CR1: variants seen among roughly 807,000 people sequenced by gnomAD.
CR1 encodes the protein complement C3b/C4b receptor 1 (Knops blood group).
In CR1, 116 loss-of-function variants were observed where a neutral mutation model predicts 187.3. The ratio of observed to expected loss-of-function variants is 0.62; its 90% CI spans 0.53 to 0.72. CR1 has a LOEUF of 0.72. CR1 is among the 30% of genes least tolerant of loss of function. The probability of loss-of-function intolerance (pLI) is 0.00; values close to 1 mark genes in which losing one functional copy is unlikely to be tolerated. For missense variants in CR1, 1,731 were observed against 2,110.7 expected, an observed-to-expected ratio of 0.82 and a Z score of 3.52; for synonymous variants, 576 against 747.1, an observed-to-expected ratio of 0.77 and a Z score of 3.73.
intron 24 of CR1, among the ~76,000 whole-genome samples, chr1:207,566,618 T>A (rs1175161889): frequency 6.7e-6 from 1 of 150,078 alleles, no homozygotes; most frequent in Non-Finnish European, 1.5e-5. Flanking sequence ...TTAGACAGGG[T>A]GAGCAGTTTG....
chr1:207,511,689 G>T, intron 4 of CR1, 35 bp downstream of exon 4: 1 of 1,580,848 alleles, frequency 6.3e-7, no homozygotes, highest in South Asian at 1.1e-5. Context: ...TTCTTTTACC[G>T]ACACATTCTA....
At chr1:207,520,969 T>C (rs1344920671) in intron 4 of CR1, among the ~76,000 whole-genome samples, 1 of 34,852 alleles carries the variant, frequency 2.9e-5, no homozygotes, top group Non-Finnish European at 5.0e-5. Flanking sequence ...TTTTTGGTTG[T>C]TTTTTTTTTT....
intron 35 of CR1, among the ~76,000 whole-genome samples, chr1:207,592,189 T>C (rs1381419969): frequency 6.6e-6 from 1 of 152,014 alleles, no homozygotes; most frequent in Non-Finnish European, 1.5e-5. Context: ...GATGCAAAAA[T>C]CCTCAATAAA....
intron 1 of CR1, among the ~76,000 whole-genome samples, chr1:207,502,247 A>G (rs1469753126): frequency 4.6e-5 from 7 of 152,204 alleles, no homozygotes; most frequent in African/African-American, 1.7e-4. Context: ...AAAGCACACA[A>G]AGATAAAAAG....
At chr1:207,521,001 T>G (rs1224499442) in intron 4 of CR1, among the ~76,000 whole-genome samples, 12 of 138,302 alleles carry the variant, frequency 8.7e-5, no homozygotes, top group Non-Finnish European at 7.7e-5. Flanking sequence ...TTTGACAGAA[T>G]TTCACTCTTA....
intron 42 of CR1, among the ~76,000 whole-genome samples, chr1:207,619,406 A>T (rs1434892484): frequency 6.6e-6 from 1 of 151,898 alleles, no homozygotes; most frequent in East Asian, 1.9e-4. Flanking sequence ...AAAAAGAAAA[A>T]GAAAGAAAGA....
intron 31 of CR1, among the ~76,000 whole-genome samples, chr1:207,581,354 A>G (rs9659222): frequency 0.37 from 53,618 of 146,048 alleles, 12,905 homozygotes; most frequent in African/African-American, 0.69. Context: ...ATACGTATAC[A>G]TGTCCATATG....
chr1:207,580,636 A>C (rs919286198), intron 31 of CR1, 23 bp downstream of exon 31: 5 of 1,597,138 alleles, frequency 3.1e-6, no homozygotes, highest in Non-Finnish European at 4.3e-6. Flanking sequence ...CAGAATTCAG[A>C]TCAGGGACTC....
chr1:207,505,008 G>A (rs1426581625), intron 1 of CR1, among the ~76,000 whole-genome samples: 2 of 152,200 alleles, frequency 1.3e-5, no homozygotes, highest in East Asian at 1.9e-4. Flanking sequence ...TGCTCCCTAT[G>A]AGAATCTAAT....
Position 207,584,714 on chromosome 1 carries a change from A to G in CR1, c.5368A>G (p.Ile1790Val). 1 of 1,613,756 alleles carries G rather than the reference A, an allele frequency of 6.2e-7. No individual in the cohort carries two copies. The highest frequency in any genetic ancestry group is 8.5e-7 in the Non-Finnish European group (1 of 1,179,720). Residue 1790 changes from isoleucine to valine, a missense_variant, in exon 33 of 47, where the codon ATT becomes GTT. Around this residue, in one of 5 missense-constraint regions of CR1, gnomAD observed 1,312 missense variants for 1,379.6 expected, o/e 0.95. Transcript: ENST00000367049. ...GRHTGTPSGD[I>V]PYGKEISYTC... ...ACACACAGGAACTCCCTCTGGAGATATTCCCTATGGAAAAGAAATATCTTA... is the reference window on the plus strand; with the variant it reads ...ACACACAGGAACTCCCTCTGGAGATGTTCCCTATGGAAAAGAAATATCTTA...
intron 1 of CR1, among the ~76,000 whole-genome samples, chr1:207,502,537 G>A (rs1345035647): frequency 3.9e-5 from 6 of 152,154 alleles, no homozygotes; most frequent in Non-Finnish European, 5.9e-5. Flanking sequence ...TGTCATAGAC[G>A]GGAAAAATGT....
chr1:207,611,790 G>A lies in CR1; in HGVS notation c.6409G>A (p.Gly2137Arg). The change falls in exon 38 of 47, where the codon GGG (glycine) becomes AGG (arginine). Residue 2137 changes from glycine to arginine, a missense_variant. By Grantham distance (125) the Gly-to-Arg change is moderately radical (BLOSUM62 -2). Around this residue, in one of 5 missense-constraint regions of CR1, gnomAD observed 1,312 missense variants for 1,379.6 expected, o/e 0.95. Transcript: ENST00000367049. Reference sequence around the variant, plus strand: ...CTGTGAGCCCAGCTATGACCTCAGAGGGGCTGCGTCTCTGCACTGCACGCC... The same window carrying A: ...CTGTGAGCCCAGCTATGACCTCAGAAGGGCTGCGTCTCTGCACTGCACGCC... ...YSCEPSYDLR[G>R]AASLHCTPQG... 1.2e-6 allele frequency: 2 copies of A among 1,613,996 alleles called. No individual in the cohort carries two copies. Among genetic ancestry groups the A allele is most frequent in the Non-Finnish European group, 1.7e-6 (2 of 1,179,890 alleles).
At chr1:207,628,665 G>A (rs1470256586) in intron 45 of CR1, among the ~76,000 whole-genome samples, 1 of 152,176 alleles carries the variant, frequency 6.6e-6, no homozygotes, top group Non-Finnish European at 1.5e-5. Flanking sequence ...GACAATGTTA[G>A]TTGCCATTTC....
intron 41 of CR1, 117 bp from the exon 42 acceptor site, chr1:207,617,954 C>T: frequency 9.0e-7 from 1 of 1,108,330 alleles, no homozygotes; most frequent in Non-Finnish European, 1.3e-6. Flanking sequence ...TATGACCTGG[C>T]TGGTTGAGGT....
At chr1:207,592,101 A>G (rs1478094820) in intron 35 of CR1, among the ~76,000 whole-genome samples, 1 of 152,242 alleles carries the variant, frequency 6.6e-6, no homozygotes, top group African/African-American at 2.4e-5. Context: ...TTATGAGGCC[A>G]GCATCATCCT....
chr1:207,566,456 A>C (rs1660499992), intron 24 of CR1, among the ~76,000 whole-genome samples: 2 of 150,050 alleles, frequency 1.3e-5, no homozygotes, highest in African/African-American at 2.5e-5. Context: ...TCATCTAGCC[A>C]CTGGAGTTAT....
chr1:207,591,475 A>C (rs1268150778), intron 35 of CR1, among the ~76,000 whole-genome samples: 2 of 151,154 alleles, frequency 1.3e-5, no homozygotes, highest in African/African-American at 4.8e-5. Flanking sequence ...AATTTATAGC[A>C]CTAAATGCCC....
intron 41 of CR1, among the ~76,000 whole-genome samples, chr1:207,617,565 ATATG>A (rs1212298520): frequency 2.9e-5 from 2 of 68,338 alleles, no homozygotes; most frequent in South Asian, 4.8e-4. Flanking sequence ...ATGTGTATAT[ATATG>A]TGTGTGTGTA....
rs142793563 is a variant in CR1 at position 207,512,941 on chromosome 1, A to G, written c.487+1287A>G. Among the ~76,000 whole-genome samples the G allele has an allele frequency of 1.9e-4, 29 of 152,354 alleles. No individual in the cohort carries two copies. In the East Asian group the frequency reaches 4.8e-3, roughly 25 times the overall value. On this transcript the variant is annotated intron_variant, in intron 4 of 46. Coordinates refer to ENST00000367049, the MANE Select transcript of CR1 (RefSeq NM_000651.6). ...CTTGGAAAAGGCTAGGGGAAGATTT[A>G]CAATACATGCTTTTGATTGTGTAGC... is the stretch of plus-strand genomic sequence containing the variant.
Sources: allele counts gnomAD v4.1 joint callset (sites outside exome capture counted in the v4.1 genomes callset), GRCh38; gene constraint gnomAD v4.1.1; regional missense constraint gnomAD v4.1.1; transcripts MANE v1.5; gene names NCBI Gene and HGNC (gene_info 2026-07-23, HGNC 2026-07-21).